Variants in CUL4A observed in about 807,000 individuals in gnomAD.
The protein encoded by CUL4A is cullin 4A, also known as cullin-4A.
Under a neutral mutation model 95.5 loss-of-function variants are expected in CUL4A, and 16 were observed. That is an observed-to-expected ratio of 0.17 (90% CI 0.11 to 0.25). The LOEUF (loss-of-function observed/expected upper bound fraction) is 0.25, where lower values mean the gene tolerates loss of function less well. CUL4A is among the 10% of genes least tolerant of loss of function. CUL4A has a pLI of 1.00. For synonymous variants in CUL4A, 380 were observed against 353.1 expected (o/e 1.08, Z -0.85); for missense variants, 610 against 937.0 (o/e 0.65, Z 4.56).
intron 3 of CUL4A, among the ~76,000 whole-genome samples, chr13:113,227,749 C>A (rs759510053): frequency 1.3e-5 from 2 of 151,910 alleles, no homozygotes; most frequent in African/African-American, 4.8e-5. Context: ...ACTAAAAATA[C>A]AAAAAATTAG....
chr13:113,230,024 A>AC (rs1162349494), intron 5 of CUL4A: 2 of 234,158 alleles, frequency 8.5e-6, no homozygotes, highest in Non-Finnish European at 8.2e-6. Context: ...GCGGCCACGG[A>AC]CCCCACATGT....
At chr13:113,252,325 C>T (rs575032796) in intron 15 of CUL4A, among the ~76,000 whole-genome samples, 1 of 152,172 alleles carries the variant, frequency 6.6e-6, no homozygotes, top group South Asian at 2.1e-4. Context: ...CGCTTGGGCC[C>T]AGGATTTCAA....
intron 2 of CUL4A, among the ~76,000 whole-genome samples, chr13:113,215,460 G>A (rs1800251485): frequency 6.9e-6 from 1 of 144,416 alleles, no homozygotes; most frequent in African/African-American, 2.6e-5. Context: ...AGGTTACTGT[G>A]TGCCTATGGA....
At chr13:113,227,153 G>A (rs1010797448) in intron 3 of CUL4A, among the ~76,000 whole-genome samples, 19 of 152,316 alleles carry the variant, frequency 1.2e-4, no homozygotes, top group Non-Finnish European at 2.5e-4. Context: ...CATTGGTGAT[G>A]AGATACAGAG....
intron 5 of CUL4A, among the ~76,000 whole-genome samples, chr13:113,231,021 C>T (rs1298563839): frequency 2.6e-5 from 4 of 152,150 alleles, no homozygotes; most frequent in African/African-American, 9.7e-5. Context: ...GATCCTCCCA[C>T]CTCAGCCTCC....
intron 2 of CUL4A, among the ~76,000 whole-genome samples, chr13:113,217,435 A>G (rs1332984352): frequency 2.0e-5 from 3 of 152,200 alleles, no homozygotes; most frequent in African/African-American, 7.2e-5. Context: ...TTTCTTTGTT[A>G]TTATGCTGAT....
In CUL4A at chr13:113,252,955, A is replaced by G. The variant is rs925451091; in HGVS notation, c.1639-127A>G. 5 of 507,526 alleles carry G rather than the reference A, an allele frequency of 9.9e-6. No individual in the cohort carries two copies. The Admixed American group carries it at 1.4e-4, about 15-fold the overall frequency. The allele number at this position is 507,526 out of a possible 1,614,324, so 31.4% of individuals were successfully genotyped here. ...TTTTTACAAATAATGGAATCCAGAA[A>G]GTGTGAGAATATAGAGCTGACCTTT... On this transcript the variant is annotated intron_variant, in intron 15 of 19. Coordinates refer to ENST00000375440, the MANE Select transcript of CUL4A (RefSeq NM_001008895.4).
chr13:113,214,649 G>A (rs1238504815), intron 2 of CUL4A, among the ~76,000 whole-genome samples: 5 of 152,156 alleles, frequency 3.3e-5, no homozygotes, highest in Admixed American at 6.5e-5. Flanking sequence ...CATTGCACCC[G>A]GCTGACATGC....
intron 12 of CUL4A, 124 bp downstream of exon 12, chr13:113,244,638 C>G: frequency 1.4e-6 from 1 of 708,162 alleles, no homozygotes; most frequent in Non-Finnish European, 2.4e-6. Context: ...AGAATGAACA[C>G]TTTTCATCCT....
chr13:113,236,366 G>A (rs2041543862), intron 8 of CUL4A, among the ~76,000 whole-genome samples: 2 of 152,182 alleles, frequency 1.3e-5, no homozygotes, highest in African/African-American at 2.4e-5. Flanking sequence ...ATAGTGGAGA[G>A]AGCGGCAGCC....
At chr13:113,257,488 T>G (rs1440261929) in intron 18 of CUL4A, among the ~76,000 whole-genome samples, 1 of 152,186 alleles carries the variant, frequency 6.6e-6, no homozygotes, top group African/African-American at 2.4e-5. Context: ...TGACGAGGCC[T>G]CAGGAAGTTT....
intron 3 of CUL4A, among the ~76,000 whole-genome samples, chr13:113,224,088 C>T (rs6577032): frequency 0.96 from 146,782 of 152,280 alleles, 70,946 homozygotes; most frequent in East Asian, 1. Context: ...TGCGGTGGCT[C>T]ACGCCTGTAA....
At chr13:113,232,892 G>A (rs1240363119) in intron 5 of CUL4A, among the ~76,000 whole-genome samples, 3 of 152,094 alleles carry the variant, frequency 2.0e-5, no homozygotes, top group African/African-American at 4.8e-5. Flanking sequence ...CGAGGACCCC[G>A]GGCTTCTGCC....
chr13:113,226,058 G>T (rs1239183410), intron 3 of CUL4A, among the ~76,000 whole-genome samples: 1 of 152,326 alleles, frequency 6.6e-6, no homozygotes, highest in African/African-American at 2.4e-5. Context: ...CCCCCCGGGA[G>T]CCCCTTGGCT....
chr13:113,212,351 G>A (rs750957647), intron 2 of CUL4A, among the ~76,000 whole-genome samples: 1 of 152,168 alleles, frequency 6.6e-6, no homozygotes, highest in East Asian at 1.9e-4. Flanking sequence ...TGTGCTTTTA[G>A]TATCCAAGAA....
At chr13:113,262,595 G>A (rs534715882) in intron 19 of CUL4A, among the ~76,000 whole-genome samples, 1 of 152,314 alleles carries the variant, frequency 6.6e-6, no homozygotes, top group East Asian at 1.9e-4. Flanking sequence ...GCTGCAGTGA[G>A]CTGAGATCGC....
intron 2 of CUL4A, among the ~76,000 whole-genome samples, chr13:113,215,369 G>T (rs1249155840): frequency 6.9e-6 from 1 of 144,820 alleles, no homozygotes; most frequent in Non-Finnish European, 1.5e-5. Flanking sequence ...TGGAGGTCAC[G>T]TCGCATGTGG....
At chr13:113,230,716 G>A (rs910102083) in intron 5 of CUL4A, among the ~76,000 whole-genome samples, 1 of 152,080 alleles carries the variant, frequency 6.6e-6, no homozygotes, top group African/African-American at 2.4e-5. Context: ...AAAATAACTT[G>A]CCCTACCTCA....
intron 10 of CUL4A, among the ~76,000 whole-genome samples, chr13:113,242,536 A>G (rs1456590953): frequency 6.6e-6 from 1 of 152,146 alleles, no homozygotes; most frequent in Non-Finnish European, 1.5e-5. Context: ...ATGCCTGTAA[A>G]CCCAGCACTT....
Sources: allele counts gnomAD v4.1 joint callset (sites outside exome capture counted in the v4.1 genomes callset), GRCh38; gene constraint gnomAD v4.1.1; transcripts MANE v1.5; gene names NCBI Gene and HGNC (gene_info 2026-07-23, HGNC 2026-07-21).